Variants in CPAMD8 observed in about 807,000 individuals in gnomAD.
CPAMD8 encodes the protein C3 and PZP-like alpha-2-macroglobulin domain-containing protein 8.
In CPAMD8, 146 loss-of-function variants were observed where a neutral mutation model predicts 224.7. That is an observed-to-expected ratio of 0.65 (90% CI 0.57 to 0.75). The LOEUF is 0.75. Among genes scored for constraint, CPAMD8 ranks in the 30% least tolerant of loss-of-function variants. CPAMD8 has a pLI of 0.00. For synonymous variants in CPAMD8, 966 were observed against 1,044.6 expected, an observed-to-expected ratio of 0.92 and a Z score of 1.45; for missense variants, 2,301 against 2,537.5, an observed-to-expected ratio of 0.91 and a Z score of 2.00.
At chr19:17,019,557 ATTCTCTCATTTT>A (rs1392081796) in intron 3 of CPAMD8, among the ~76,000 whole-genome samples, 1 of 147,316 alleles carries the variant, frequency 6.8e-6, no homozygotes, top group Non-Finnish European at 1.5e-5. Context: ...AAATTTCATT[ATTCTCTCATTTT>A]TTTTTAAATA....
At chr19:16,982,659 A>G (rs187027225) in intron 13 of CPAMD8, among the ~76,000 whole-genome samples, 1 of 151,902 alleles carries the variant, frequency 6.6e-6, no homozygotes, top group East Asian at 1.9e-4. Context: ...ACATGGCAAA[A>G]CTCCATCTCC....
In CPAMD8 at chr19:16,964,514, C is replaced by A. The variant is rs2054760590; in HGVS notation, c.2213+6377G>T. On this transcript the variant is annotated intron_variant, in intron 18 of 41. Transcript: ENST00000443236. ...GGAAGAACGTGAATCTCTGAATAGACCAATAACAGGCTCTGAAATCGAGGC... is the reference window on the plus strand; with the variant it reads ...GGAAGAACGTGAATCTCTGAATAGAACAATAACAGGCTCTGAAATCGAGGC... 2.0e-5 allele frequency among the ~76,000 whole-genome samples: 3 copies of A among 152,136 alleles called. No individual in the cohort carries two copies. In the South Asian group the frequency reaches 6.2e-4, roughly 32 times the overall value.
chr19:17,002,439 C>A (rs1234638254), intron 8 of CPAMD8, 89 bp from the exon 9 acceptor site: 7 of 804,366 alleles, frequency 8.7e-6, no homozygotes, highest in Non-Finnish European at 1.5e-5. Context: ...GTCTGAGGAC[C>A]ACAGCACCTG....
rs749676377 is a variant in CPAMD8, at chr19:16,914,731, T to C, written c.3712A>G (p.Ser1238Gly). 1.9e-6 allele frequency: 3 copies of C among 1,614,026 alleles called. No individual in the cohort carries two copies. The highest frequency in any genetic ancestry group is 2.5e-6 in the Non-Finnish European group (3 of 1,179,974). ...VDPRELAAAK[S>G]WIIQQQQADG... ...GCCTGCTGCTGCTGGATGATCCAGC[T>C]CTTGGCGGCAGCCAGCTCCCGGGGG... The change falls in exon 28 of 42, where the codon AGC becomes GGC. Residue 1238 changes from serine (S) to glycine (G), a missense_variant. Physicochemically the swap from Ser to Gly is moderately conservative, Grantham distance 56. Coordinates refer to ENST00000443236, the MANE Select transcript of CPAMD8 (RefSeq NM_015692.5).
At chr19:16,920,855 CAAAAA>C in intron 27 of CPAMD8, among the ~76,000 whole-genome samples, 1 of 119,082 alleles carries the variant, frequency 8.4e-6, no homozygotes, top group African/African-American at 3.9e-5. Flanking sequence ...GACTCTATCT[CAAAAA>C]AAAAAAAAAA....
Position 16,898,691 on chromosome 19 carries a change from A to T in CPAMD8, c.4849-697T>A, listed in dbSNP as rs2227384. On this transcript the variant is annotated intron_variant, in intron 37 of 41. Coordinates refer to ENST00000443236, the MANE Select transcript of CPAMD8 (RefSeq NM_015692.5). This position sits in a 1 kb window ranked among gnomAD's most constrained non-coding sequence, Gnocchi z 4.2. The stretch of plus-strand genomic sequence containing the variant: ...GTTCTGGGCATTTCATGTCAATGGA[A>T]TCATGTACTCTGTGGCCTTTTGTGT... Among the ~76,000 whole-genome samples the T allele has an allele frequency of 0.035, 5,277 of 152,164 alleles. 128 individuals carry two copies. Among genetic ancestry groups the T allele is most frequent in the Non-Finnish European group, 0.051 (3,449 of 67,986 alleles).
chr19:16,975,602 G>A (rs1160588863), intron 16 of CPAMD8, among the ~76,000 whole-genome samples: 1 of 152,154 alleles, frequency 6.6e-6, no homozygotes, highest in Non-Finnish European at 1.5e-5. Context: ...CAGCTACTCT[G>A]GAGGCTGAGG....
At chr19:16,917,051 C>T (rs532788782) in intron 27 of CPAMD8, among the ~76,000 whole-genome samples, 3 of 152,156 alleles carry the variant, frequency 2.0e-5, no homozygotes. Flanking sequence ...TCTCTACTTT[C>T]CCACTGTAAA....
intron 7 of CPAMD8, among the ~76,000 whole-genome samples, chr19:17,007,515 A>T (rs778987662): frequency 1.3e-5 from 2 of 151,970 alleles, no homozygotes; most frequent in African/African-American, 2.4e-5. Context: ...AGAAGAAAGA[A>T]CAAGAAAGAA....
rs1300512415 is a variant in CPAMD8, at chr19:16,902,823, G to C, written c.4511C>G (p.Pro1504Arg). The change falls in exon 35 of 42, where the codon CCA becomes CGA. Residue 1504 changes from proline (P) to arginine (R), a missense_variant. Physicochemically the swap from Pro to Arg is moderately radical, Grantham distance 103 (BLOSUM62 -2). Transcript: ENST00000443236. ...TYNVPDPVAK[P>R]AFQLLVSLQE... ...GAGGCTTACGAGCAGCTGGAAAGCT[G>C]GCTTGGCCACCGGGTCAGGCACATT... 3.8e-6 allele frequency: 6 copies of C among 1,563,128 alleles called. No individual in the cohort carries two copies. The highest frequency in any genetic ancestry group is 5.2e-6 in the Non-Finnish European group (6 of 1,151,498).
At position 16,975,255 on chromosome 19, in the gene CPAMD8, A is replaced by T; in HGVS notation, c.1912T>A (p.Phe638Ile). 1 of 1,601,682 alleles carries T rather than the reference A, an allele frequency of 6.2e-7. No homozygotes were observed. The highest frequency in any genetic ancestry group is 1.1e-5 in the South Asian group (1 of 89,084). Residue 638 changes from phenylalanine (F) to isoleucine (I), a missense_variant, in exon 17 of 42, where the codon TTC becomes ATC. Physicochemically the swap from Phe to Ile is conservative, Grantham distance 21. Around this residue, in one of 4 missense-constraint regions of CPAMD8, gnomAD observed 1,709 missense variants for 1,753.2 expected, o/e 0.97. Coordinates refer to ENST00000443236, the MANE Select transcript of CPAMD8 (RefSeq NM_015692.5). ...SGFRLTPAQVFQELEDYDVSD... is the reference protein window; with the variant it reads ...SGFRLTPAQVIQELEDYDVSD... ...ACATCATAATCTTCCAGTTCCTGGA[A>T]AACCTGCAGGCAAAGGGGGACAGAG...
intron 39 of CPAMD8, 83 bp downstream of exon 39, chr19:16,897,608 G>A (rs2052072914): frequency 1.2e-5 from 9 of 766,506 alleles, no homozygotes; most frequent in Non-Finnish European, 1.9e-5. Flanking sequence ...CAAGCCCCCA[G>A]GGGAGCCCTC....
intron 41 of CPAMD8, 138 bp downstream of exon 41, chr19:16,896,038 G>T: frequency 1.1e-6 from 1 of 940,360 alleles, no homozygotes; most frequent in Non-Finnish European, 1.7e-6. Flanking sequence ...CTCTGACCCT[G>T]AGTCACTCCC....
intron 22 of CPAMD8, among the ~76,000 whole-genome samples, chr19:16,941,773 G>C (rs892664052): frequency 6.6e-6 from 1 of 151,946 alleles, no homozygotes; most frequent in Admixed American, 6.6e-5. Flanking sequence ...AAGAGATTGA[G>C]ACCAGCCTGG....
chr19:16,975,970 G>A, intron 16 of CPAMD8, 32 bp downstream of exon 16: 1 of 1,531,202 alleles, frequency 6.5e-7, no homozygotes, highest in Non-Finnish European at 8.8e-7. Context: ...CCCCGTGGAG[G>A]TCTAGAACCC....
intron 7 of CPAMD8, 79 bp from the exon 8 acceptor site, chr19:17,004,465 T>TG: frequency 4.5e-6 from 4 of 890,052 alleles, no homozygotes; most frequent in Non-Finnish European, 7.3e-6. Context: ...GCCAGGACCC[T>TG]GCTCCTTCTC....
intron 3 of CPAMD8, among the ~76,000 whole-genome samples, chr19:17,014,060 T>TC (rs757488214): frequency 1.3e-5 from 2 of 148,602 alleles, no homozygotes; most frequent in Non-Finnish European, 3.0e-5. Context: ...TCTTTCTTTC[T>TC]TTTGTTTTTA....
intron 8 of CPAMD8, among the ~76,000 whole-genome samples, chr19:17,004,000 G>A (rs1191463760): frequency 1.3e-5 from 2 of 151,468 alleles, no homozygotes; most frequent in South Asian, 2.1e-4. Flanking sequence ...TCTGCCTCCC[G>A]GTTCAAGTGA....
intron 39 of CPAMD8, chr19:16,897,337 C>T (rs1296467433): frequency 1.8e-5 from 5 of 281,692 alleles, no homozygotes; most frequent in Non-Finnish European, 3.2e-5. Flanking sequence ...CTCCCCCTCG[C>T]CGCTCGACCC....
Sources: gnomAD v4.1 joint callset for allele counts (sites outside exome capture counted in the v4.1 genomes callset) on GRCh38, gnomAD v4.1.1 for gene constraint, gnomAD v4.1.1 regional missense constraint, Gnocchi (gnomAD v3.1) non-coding constraint, MANE v1.5 for transcripts, NCBI Gene and HGNC (gene_info 2026-07-23, HGNC 2026-07-21) for gene names.